Variants in TCERG1 observed in about 807,000 individuals in gnomAD.
The protein encoded by TCERG1 is TATA box binding protein (TBP)-associated factor, RNA polymerase II, S, 150kD.
In TCERG1, 37 loss-of-function variants were observed where a neutral mutation model predicts 144.7. The observed-to-expected ratio is 0.26, with a 90% CI of 0.20 to 0.34. The LOEUF (loss-of-function observed/expected upper bound fraction) is 0.34. Among genes scored for constraint, TCERG1 ranks in the 10% least tolerant of loss-of-function variants. TCERG1 has a pLI of 1.00. For synonymous variants in TCERG1, 492 were observed against 458.2 expected, an observed-to-expected ratio of 1.07 and a Z score of -0.94; for missense variants, 1,027 against 1,380.7, an observed-to-expected ratio of 0.74 and a Z score of 4.06.
intron 9 of TCERG1, among the ~76,000 whole-genome samples, chr5:146,473,492 A>G (rs974642733): frequency 3.9e-5 from 6 of 152,232 alleles, no homozygotes; most frequent in Non-Finnish European, 7.3e-5. Flanking sequence ...ATTACACTAA[A>G]CAAGAGATTT....
intron 8 of TCERG1, 82 bp downstream of exon 8, chr5:146,470,830 G>T (rs1213079563): frequency 2.2e-6 from 2 of 911,942 alleles, no homozygotes; most frequent in Admixed American, 3.2e-5. Flanking sequence ...CTATTGGATA[G>T]ATTTAAAAAT....
chr5:146,484,171 G>A (rs1030214639), intron 15 of TCERG1, among the ~76,000 whole-genome samples: 5 of 152,050 alleles, frequency 3.3e-5, no homozygotes, highest in Admixed American at 3.3e-4. Flanking sequence ...CATATACAAA[G>A]TTCACATCTA....
chr5:146,489,449 A>C (rs1365069078), intron 15 of TCERG1, among the ~76,000 whole-genome samples: 1 of 152,208 alleles, frequency 6.6e-6, no homozygotes, highest in African/African-American at 2.4e-5. Context: ...ACAGTATTAC[A>C]GTATGGTAAT....
At chr5:146,471,326 TG>T (rs1561658232) in intron 8 of TCERG1, among the ~76,000 whole-genome samples, 161 bp from the exon 9 acceptor site, 1 of 152,230 alleles carries the variant, frequency 6.6e-6, no homozygotes. Context: ...CAGCTCTTTC[TG>T]GGGGATGAGG....
intron 1 of TCERG1, among the ~76,000 whole-genome samples, 173 bp downstream of exon 1, chr5:146,447,581 C>T (rs575254140): frequency 1.1e-4 from 16 of 152,312 alleles, no homozygotes; most frequent in Non-Finnish European, 1.8e-4. Flanking sequence ...GAATGAGAGC[C>T]GGGCCCGGGC....
chr5:146,472,444 A>T lies in TCERG1; in HGVS notation c.1601+868A>T, dbSNP rs1415009251. The stretch of plus-strand genomic sequence containing the variant: ...CATTATTTTTATATCTGTTACAGTG[A>T]TCTGCGATCAGTGATCTTTTATGTT... On this transcript the variant is annotated intron_variant, in intron 9 of 22. Coordinates refer to ENST00000679501, the MANE Select transcript of TCERG1 (RefSeq NM_001382548.1). 2.0e-5 allele frequency among the ~76,000 whole-genome samples: 3 copies of T among 152,136 alleles called. No homozygotes were observed. In the East Asian group the frequency reaches 5.8e-4, roughly 30 times the overall value.
In TCERG1 at chr5:146,483,633, A is replaced by C; in HGVS notation, c.2163+4A>C. The C allele has an allele frequency of 6.2e-7, 1 of 1,606,966 alleles. No individual in the cohort carries two copies. The highest frequency in any genetic ancestry group is 8.5e-7 in the Non-Finnish European group (1 of 1,176,380). On this transcript the variant is annotated splice_donor_region_variant and intron_variant, in intron 15 of 22. Transcript: ENST00000679501. ...CAATCCTAAAGAGAGAAAACAGGTA[A>C]AAGGAAAATGGCATTAACTAAGAAT...
chr5:146,510,220 T>A, intron 22 of TCERG1: 1 of 743,372 alleles, frequency 1.3e-6, no homozygotes, highest in Non-Finnish European at 2.0e-6. Context: ...GGACCACCAC[T>A]AGGGGTGGGA....
At chr5:146,449,089 C>T (rs1359844181) in intron 1 of TCERG1, among the ~76,000 whole-genome samples, 1 of 152,152 alleles carries the variant, frequency 6.6e-6, no homozygotes, top group Non-Finnish European at 1.5e-5. Flanking sequence ...TTTATTTTAG[C>T]ATTTCTCATG....
Position 146,507,307 on chromosome 5 carries a change from A to T in TCERG1, c.2961+100A>T. 1.8e-6 allele frequency: 2 copies of T among 1,128,176 alleles called. No individual in the cohort carries two copies. Among genetic ancestry groups the T allele is most frequent in the South Asian group, 3.7e-5 (2 of 53,466 alleles). The allele number at this position is 1,128,176 out of a possible 1,614,324, so 69.9% of individuals were successfully genotyped here. On this transcript the variant is annotated intron_variant, in intron 20 of 22. Coordinates refer to ENST00000679501, the MANE Select transcript of TCERG1 (RefSeq NM_001382548.1). The surrounding 1 kb of genome is among the most constrained non-coding windows in gnomAD (Gnocchi z 4.6). ...TGATTTTTAGTGTCATGGTCTTTAG[A>T]TTCATTACTGGAATGCATCTTATGA...
At chr5:146,508,857 G>GCTTCAGCAGTA (rs1768224232) in intron 21 of TCERG1, among the ~76,000 whole-genome samples, 1 of 152,110 alleles carries the variant, frequency 6.6e-6, no homozygotes, top group Non-Finnish European at 1.5e-5. Context: ...GATTGAAGTA[G>GCTTCAGCAGTA]ATGATCCTCA....
intron 4 of TCERG1, chr5:146,462,180 TACTG>T (rs1763391515): frequency 6.6e-6 from 1 of 152,652 alleles, no homozygotes; most frequent in African/African-American, 2.4e-5. Flanking sequence ...TAGAAAAAGA[TACTG>T]ACAGATTTTG....
At chr5:146,457,954 A>G (rs1455099308) in intron 3 of TCERG1, among the ~76,000 whole-genome samples, 4 of 152,110 alleles carry the variant, frequency 2.6e-5, no homozygotes, top group Admixed American at 1.3e-4. Context: ...GATTCAAGCA[A>G]TTCTCCTGCC....
intron 17 of TCERG1, among the ~76,000 whole-genome samples, chr5:146,501,248 G>T (rs1424983452): frequency 6.6e-6 from 1 of 151,972 alleles, no homozygotes; most frequent in Non-Finnish European, 1.5e-5. Context: ...TTTTGTTATA[G>T]TAAGGAATGG....
At chr5:146,447,678 C>G (rs1321372981) in intron 1 of TCERG1, among the ~76,000 whole-genome samples, 1 of 152,246 alleles carries the variant, frequency 6.6e-6, no homozygotes, top group Non-Finnish European at 1.5e-5. Context: ...AGCCCTCTGG[C>G]CGGGCGCGGT....
At chr5:146,496,869 G>GT (rs70998085) in intron 16 of TCERG1, among the ~76,000 whole-genome samples, 1,903 of 83,254 alleles carry the variant, frequency 0.023, 82 homozygotes, top group African/African-American at 0.06. Flanking sequence ...CTCACTATGT[G>GT]TTTTTTTTTT....
chr5:146,486,709 T>C (rs527561907), intron 15 of TCERG1, among the ~76,000 whole-genome samples: 24 of 152,288 alleles, frequency 1.6e-4, no homozygotes, highest in South Asian at 6.2e-4. Context: ...AGAAGTCAAC[T>C]TGTTTCTTTT....
At chr5:146,489,870 A>G (rs74545175) in intron 15 of TCERG1, among the ~76,000 whole-genome samples, 240 of 152,302 alleles carry the variant, frequency 1.6e-3, no homozygotes, top group African/African-American at 5.6e-3. Context: ...ATTGGAAAGC[A>G]TGACACAAAT....
Position 146,478,554 on chromosome 5 carries a change from A to C in TCERG1, c.1663A>C (p.Met555Leu), listed in dbSNP as rs746311634. ...TTATAATCCCACCACTCGTCTTTCT[A>C]TGTGGGACCGACCTGATGATCTGAT... ...FFYNPTTRLS[M>L]WDRPDDLIGR... The change falls in exon 10 of 23, where the codon ATG (methionine) becomes CTG (leucine). Residue 555 changes from methionine to leucine, a missense_variant. Coordinates refer to ENST00000679501, the MANE Select transcript of TCERG1 (RefSeq NM_001382548.1). The C allele has an allele frequency of 6.2e-7, 1 of 1,612,594 alleles. No homozygotes were observed.
Sources: allele counts gnomAD v4.1 joint callset (sites outside exome capture counted in the v4.1 genomes callset), GRCh38; gene constraint gnomAD v4.1.1; non-coding constraint Gnocchi (gnomAD v3.1); transcripts MANE v1.5; gene names NCBI Gene and HGNC (gene_info 2026-07-23, HGNC 2026-07-21).